Variants in FAM120C observed in about 807,000 individuals in gnomAD.
The protein encoded by FAM120C is constitutive coactivator of PPAR-gamma-like protein 2.
A neutral mutation model predicts 71.2 loss-of-function variants in FAM120C; 14 were observed. The ratio of observed to expected loss-of-function variants is 0.20; its 90% CI spans 0.13 to 0.31. The LOEUF (loss-of-function observed/expected upper bound fraction) is 0.31. FAM120C is among the 10% of genes least tolerant of loss of function. FAM120C has a pLI of 1.00. For synonymous variants in FAM120C, 354 were observed against 353.2 expected (o/e 1.00, Z -0.03); for missense variants, 500 against 879.0 (o/e 0.57, Z 5.45).
chrX:54,118,146 C>T (rs2066982344), intron 9 of FAM120C, among the ~76,000 whole-genome samples: 1 of 109,223 alleles, frequency 9.2e-6, no homozygotes, highest in East Asian at 2.9e-4. Flanking sequence ...TCGCTTGAAC[C>T]CAGGAGGCAG....
chrX:54,172,261 C>A lies in FAM120C; in HGVS notation c.699+10239G>T, dbSNP rs148220019. Among the ~76,000 whole-genome samples the A allele has an allele frequency of 7.1e-5, 8 of 112,085 alleles. No individual in the cohort carries two copies. The East Asian group carries it at 2.2e-3, about 31-fold the overall frequency. Reference sequence around the variant, plus strand: ...GATGCCAAATCATTTTTTTCAGCATCTTGAGTATCATGTTCAACTAAGCCA... The same window carrying A: ...GATGCCAAATCATTTTTTTCAGCATATTGAGTATCATGTTCAACTAAGCCA... On this transcript the variant is annotated intron_variant, in intron 1 of 15. Transcript: ENST00000375180.
In FAM120C at chrX:54,150,447, C is replaced by T. The variant is rs35421379; in HGVS notation, c.1158+798G>A. ...GCAGAAAAATGTTAAGTTGAACCAA[C>T]GTTAAGTCAGGGATCATGTGTACAT... On this transcript the variant is annotated intron_variant, in intron 4 of 15. Coordinates refer to ENST00000375180, the MANE Select transcript of FAM120C (RefSeq NM_017848.6). 8.5e-3 allele frequency among the ~76,000 whole-genome samples: 952 copies of T among 111,910 alleles called. 14 individuals are homozygous for T. Among genetic ancestry groups the T allele is most frequent in the African/African-American group, 0.029 (895 of 30,863 alleles).
intron 1 of FAM120C, among the ~76,000 whole-genome samples, chrX:54,175,657 C>T (rs1003186319): frequency 9.0e-6 from 1 of 111,201 alleles, no homozygotes; most frequent in African/African-American, 3.3e-5. Flanking sequence ...TACAGGTGCG[C>T]ACCACCATGC....
intron 10 of FAM120C, among the ~76,000 whole-genome samples, chrX:54,096,239 C>T (rs1437411203): frequency 9.3e-6 from 1 of 107,458 alleles, no homozygotes; most frequent in Non-Finnish European, 1.9e-5. Flanking sequence ...GGTGAAACCC[C>T]ATCTCTACTA....
chrX:54,087,126 A>C (rs1165689783), intron 12 of FAM120C, among the ~76,000 whole-genome samples: 2 of 110,530 alleles, frequency 1.8e-5, no homozygotes, highest in Admixed American at 9.8e-5. Flanking sequence ...CATCCTGGCC[A>C]ACATGGTGAA....
chrX:54,143,794 A>T (rs910888545), intron 4 of FAM120C, among the ~76,000 whole-genome samples: 1 of 112,031 alleles, frequency 8.9e-6, no homozygotes, highest in Non-Finnish European at 1.9e-5. Flanking sequence ...AAAAAGAGGG[A>T]ATCCTCCCTA....
intron 10 of FAM120C, among the ~76,000 whole-genome samples, chrX:54,113,835 G>T (rs1172426661): frequency 9.0e-6 from 1 of 110,685 alleles, no homozygotes; most frequent in Non-Finnish European, 1.9e-5. Flanking sequence ...AGAACTGCTT[G>T]AACCTGGGAG....
chrX:54,095,722 T>A (rs1372591527), intron 10 of FAM120C, among the ~76,000 whole-genome samples: 5 of 110,675 alleles, frequency 4.5e-5, no homozygotes, highest in African/African-American at 1.6e-4. Flanking sequence ...AATGGCACCA[T>A]CTCGGCTCAC....
At chrX:54,178,801 C>T (rs2067332140) in intron 1 of FAM120C, among the ~76,000 whole-genome samples, 1 of 111,839 alleles carries the variant, frequency 8.9e-6, no homozygotes, top group Non-Finnish European at 1.9e-5. Context: ...AAAATGGTAT[C>T]TGTTCTCAAA....
At chrX:54,138,961 T>C (rs1557131127) in intron 4 of FAM120C, among the ~76,000 whole-genome samples, 1 of 112,568 alleles carries the variant, frequency 8.9e-6, no homozygotes, top group Non-Finnish European at 1.9e-5. Flanking sequence ...TTTAAAAGTC[T>C]CCTTGAATAT....
intron 4 of FAM120C, among the ~76,000 whole-genome samples, chrX:54,150,772 G>A (rs1337300316): frequency 4.5e-5 from 5 of 110,509 alleles, no homozygotes; most frequent in Admixed American, 9.7e-5. Flanking sequence ...TTTTTAAGAC[G>A]AAGTTTCACT....
chrX:54,154,189 G>A (rs1361787247), intron 3 of FAM120C, among the ~76,000 whole-genome samples: 1 of 105,763 alleles, frequency 9.5e-6, no homozygotes, highest in Non-Finnish European at 1.9e-5. Context: ...TAGCAGCAGT[G>A]CAAATGTTAA....
intron 2 of FAM120C, among the ~76,000 whole-genome samples, chrX:54,158,542 G>A (rs192586864): frequency 8.9e-6 from 1 of 112,158 alleles, no homozygotes; most frequent in Non-Finnish European, 1.9e-5. Context: ...GCCGAGGCGG[G>A]TGGATTGCTT....
At chrX:54,170,787 A>G (rs1387514510) in intron 1 of FAM120C, among the ~76,000 whole-genome samples, 1 of 112,261 alleles carries the variant, frequency 8.9e-6, no homozygotes, top group Non-Finnish European at 1.9e-5. Context: ...TGTTTTGCAG[A>G]GATGAAGTCT....
At chrX:54,087,691 C>T in intron 12 of FAM120C, 64 bp downstream of exon 12, 1 of 1,070,126 alleles carries the variant, frequency 9.3e-7, no homozygotes, top group Non-Finnish European at 1.3e-6. Context: ...CTCCTTTCCC[C>T]TCCCTGCCCA....
intron 15 of FAM120C, among the ~76,000 whole-genome samples, chrX:54,075,797 CAAAA>C (rs34032200): frequency 6.7e-5 from 3 of 44,729 alleles, no homozygotes; most frequent in African/African-American, 8.6e-5. Context: ...GACTCTGTCT[CAAAA>C]AAAAAAAAAA....
chrX:54,130,231 C>A (rs2067059309), intron 9 of FAM120C, among the ~76,000 whole-genome samples: 1 of 111,163 alleles, frequency 9.0e-6, no homozygotes, highest in African/African-American at 3.3e-5. Flanking sequence ...CTGAATATTA[C>A]CCCTTTGTCC....
At chrX:54,157,849 G>T in intron 2 of FAM120C, 78 bp from the exon 3 acceptor site, 1 of 621,516 alleles carries the variant, frequency 1.6e-6, no homozygotes, top group South Asian at 2.6e-5. Flanking sequence ...GGTCCTGGGA[G>T]AGAAAATGAT....
intron 4 of FAM120C, among the ~76,000 whole-genome samples, chrX:54,149,269 T>C (rs1251456911): frequency 3.6e-5 from 4 of 112,441 alleles, no homozygotes; most frequent in Non-Finnish European, 7.5e-5. Context: ...GAATGAATTA[T>C]TGATACAGGT....
Sources: allele counts gnomAD v4.1 joint callset (sites outside exome capture counted in the v4.1 genomes callset), GRCh38; gene constraint gnomAD v4.1.1; transcripts MANE v1.5; gene names NCBI Gene and HGNC (gene_info 2026-07-23, HGNC 2026-07-21).